The following SNTG1 variants were observed in gnomAD, a reference collection of about 807,000 sequenced individuals.
The protein encoded by SNTG1 is syntrophin gamma 1.
Under a neutral mutation model 74.7 loss-of-function variants are expected in SNTG1, and 39 were observed. The observed-to-expected ratio is 0.52, with a 90% CI of 0.40 to 0.68. The LOEUF (loss-of-function observed/expected upper bound fraction) is 0.68. SNTG1 is among the 30% of genes least tolerant of loss of function. SNTG1 has a pLI of 0.00. For missense variants in SNTG1, 685 were observed against 609.5 expected, an observed-to-expected ratio of 1.12 and a Z score of -1.30; for synonymous variants, 254 against 217.1, an observed-to-expected ratio of 1.17 and a Z score of -1.49.
chr8:50,476,960 A>G (rs1026930384), intron 8 of SNTG1, among the ~76,000 whole-genome samples: 1 of 152,084 alleles, frequency 6.6e-6, no homozygotes, highest in East Asian at 1.9e-4. Context: ...AAGAGGCCCC[A>G]ATGGCCAAAG....
At chr8:50,658,514 C>T (rs2095197865) in intron 14 of SNTG1, 78 bp from the exon 15 acceptor site, 5 of 1,026,708 alleles carry the variant, frequency 4.9e-6, no homozygotes, top group Non-Finnish European at 7.1e-6. Flanking sequence ...TCTTATTTTT[C>T]ACTATATTAT....
chr8:50,173,594 A>G (rs1179628602), intron 2 of SNTG1, among the ~76,000 whole-genome samples: 1 of 152,214 alleles, frequency 6.6e-6, no homozygotes, highest in Admixed American at 6.5e-5. Flanking sequence ...GTAGCCATGC[A>G]GATTGCCTAT....
At chr8:50,567,350 G>A (rs2094521742) in intron 12 of SNTG1, among the ~76,000 whole-genome samples, 1 of 151,960 alleles carries the variant, frequency 6.6e-6, no homozygotes, top group Admixed American at 6.6e-5. Context: ...AATTTTACAT[G>A]ACATTTCTAT....
intron 17 of SNTG1, among the ~76,000 whole-genome samples, chr8:50,712,938 AT>A (rs2095465826): frequency 6.6e-6 from 1 of 152,146 alleles, no homozygotes; most frequent in African/African-American, 2.4e-5. Context: ...AGTCTTTGCT[AT>A]TGTAAATAGT....
intron 1 of SNTG1, among the ~76,000 whole-genome samples, chr8:50,034,140 C>T (rs536344580): frequency 1.4e-4 from 21 of 152,258 alleles, no homozygotes; most frequent in South Asian, 4.1e-4. Flanking sequence ...GCACATTTCT[C>T]TCAGGATCTG....
chr8:50,289,027 G>A (rs895825321), intron 2 of SNTG1, among the ~76,000 whole-genome samples: 5 of 152,110 alleles, frequency 3.3e-5, no homozygotes, highest in African/African-American at 7.2e-5. Context: ...TTAACCAAGA[G>A]GAATTTGATT....
Position 50,067,457 on chromosome 8 carries a change from T to C in SNTG1, c.-102-105104T>C, listed in dbSNP as rs558993160. Among the ~76,000 whole-genome samples, 6 of 152,310 alleles carry C rather than the reference T, an allele frequency of 3.9e-5. No individual in the cohort carries two copies. The East Asian group carries it at 1.2e-3, about 29-fold the overall frequency. On this transcript the variant is annotated intron_variant, in intron 1 of 18. Coordinates refer to ENST00000642720, the MANE Select transcript of SNTG1 (RefSeq NM_018967.5). ...GTTTCAGGTCTCTCCATTTCTGATG[T>C]GGGATTTTATTTTGAATGGGCTTGT...
chr8:50,785,627 T>C (rs1382153564), intron 18 of SNTG1, among the ~76,000 whole-genome samples: 1 of 152,074 alleles, frequency 6.6e-6, no homozygotes, highest in Non-Finnish European at 1.5e-5. Flanking sequence ...TTCACAATCT[T>C]TTCAAAATAT....
At chr8:50,718,255 G>A (rs1585629617) in intron 17 of SNTG1, among the ~76,000 whole-genome samples, 1 of 152,182 alleles carries the variant, frequency 6.6e-6, no homozygotes, top group Admixed American at 6.6e-5. Flanking sequence ...ACAGAACACT[G>A]ACAGAGGAGG....
intron 2 of SNTG1, among the ~76,000 whole-genome samples, chr8:50,368,792 T>C (rs1253165386): frequency 6.6e-6 from 1 of 152,214 alleles, no homozygotes; most frequent in East Asian, 1.9e-4. Context: ...TCAGATTTAA[T>C]GAAATTGCCC....
intron 1 of SNTG1, among the ~76,000 whole-genome samples, chr8:49,956,594 A>G (rs1332193100): frequency 6.6e-6 from 1 of 152,128 alleles, no homozygotes; most frequent in African/African-American, 2.4e-5. Context: ...AGTGTTTCCC[A>G]ATTTCATTTA....
chr8:50,289,432 G>A (rs1284697167), intron 2 of SNTG1, among the ~76,000 whole-genome samples: 1 of 152,200 alleles, frequency 6.6e-6, no homozygotes, highest in African/African-American at 2.4e-5. Flanking sequence ...GAAGCGTGGG[G>A]TCAGTGACTG....
chr8:49,910,694 C>T (rs2129331780), upstream of SNTG1, among the ~76,000 whole-genome samples: 1 of 152,016 alleles, frequency 6.6e-6, no homozygotes, highest in African/African-American at 2.4e-5. Flanking sequence ...CGGGAGAGCG[C>T]GGATTCCGGA....
intron 1 of SNTG1, among the ~76,000 whole-genome samples, chr8:49,937,858 T>C (rs1445707048): frequency 6.6e-6 from 1 of 152,194 alleles, no homozygotes; most frequent in African/African-American, 2.4e-5. Flanking sequence ...TCCTCTCTTC[T>C]TTCCTGCCTT....
intron 13 of SNTG1, among the ~76,000 whole-genome samples, chr8:50,641,218 C>A (rs761192911): frequency 1.3e-5 from 2 of 152,186 alleles, no homozygotes; most frequent in Non-Finnish European, 2.9e-5. Flanking sequence ...TTCCCCCAGT[C>A]TATTCTCTCC....
intron 4 of SNTG1, among the ~76,000 whole-genome samples, chr8:50,418,450 C>G (rs1428270761): frequency 6.6e-6 from 1 of 152,084 alleles, no homozygotes; most frequent in African/African-American, 2.4e-5. Context: ...TCTATAGGCA[C>G]TTTAATGGTG....
chr8:50,616,609 C>G (rs1041658750), intron 13 of SNTG1, among the ~76,000 whole-genome samples: 1 of 152,190 alleles, frequency 6.6e-6, no homozygotes, highest in African/African-American at 2.4e-5. Context: ...TCCTTTTTCA[C>G]TCTTTCAGTC....
At chr8:49,941,109 C>T (rs540073728) in intron 1 of SNTG1, among the ~76,000 whole-genome samples, 113 of 152,210 alleles carry the variant, frequency 7.4e-4, no homozygotes, top group African/African-American at 2.5e-3. Context: ...ACTCTTCAGT[C>T]CTGTAGCACT....
rs28654110 is a variant in SNTG1 at position 50,222,020 on chromosome 8, G to T, written c.-28+49385G>T. On this transcript the variant is annotated intron_variant, in intron 2 of 18. Coordinates refer to ENST00000642720, the MANE Select transcript of SNTG1 (RefSeq NM_018967.5). Reference sequence around the variant, plus strand: ...TAATTGGTAGGAGATGCAATCTTAGGGGTGCAGAAAATGGCCTTCATGCAC... The same window carrying T: ...TAATTGGTAGGAGATGCAATCTTAGTGGTGCAGAAAATGGCCTTCATGCAC... Among the ~76,000 whole-genome samples, 614 of 152,262 alleles carry T rather than the reference G, an allele frequency of 4.0e-3. 3 individuals carry two copies. Among genetic ancestry groups the T allele is most frequent in the African/African-American group, 0.014 (593 of 41,538 alleles).
Sources: gnomAD v4.1 joint callset for allele counts (sites outside exome capture counted in the v4.1 genomes callset) on GRCh38, gnomAD v4.1.1 for gene constraint, MANE v1.5 for transcripts, NCBI Gene and HGNC (gene_info 2026-07-23, HGNC 2026-07-21) for gene names.